Variants in GRM5 observed in about 807,000 individuals in gnomAD.
GRM5 encodes the protein glutamate metabotropic receptor 5.
Under a neutral mutation model 83.1 loss-of-function variants are expected in GRM5, and 19 were observed. That is an observed-to-expected ratio of 0.23 (90% confidence interval 0.16 to 0.34). The LOEUF is 0.34. Ranked by LOEUF, GRM5 falls within the 10% of genes least tolerant of loss-of-function variation. The pLI is 1.00. For synonymous variants in GRM5, 675 were observed against 633.6 expected (o/e 1.07, Z -0.98); for missense variants, 1,160 against 1,588.3 (o/e 0.73, Z 4.58).
intron 4 of GRM5, among the ~76,000 whole-genome samples, chr11:88,623,078 C>CTTATTTT (rs1056763367): frequency 6.6e-6 from 1 of 151,634 alleles, no homozygotes; most frequent in Non-Finnish European, 1.5e-5. Flanking sequence ...AATAAGATCA[C>CTTATTTT]TTATTTTTTA....
intron 2 of GRM5, among the ~76,000 whole-genome samples, chr11:88,953,583 T>A (rs1402492114): frequency 4.6e-5 from 7 of 152,202 alleles, no homozygotes; most frequent in Non-Finnish European, 5.9e-5. Context: ...CCTTCATTTG[T>A]TTCCTCTGTC....
rs1938094290 is a variant in GRM5, at chr11:88,604,757, T to A, written c.1355A>T (p.Asp452Val). The change falls in exon 5 of 10, where the codon GAT becomes GTT. Residue 452 changes from aspartate to valine, a missense_variant. Transcript: ENST00000305447. Reference protein sequence around the residue: ...MKTNFTGVSGDTILFDENGDS... With the variant: ...MKTNFTGVSGVTILFDENGDS... ...TCCATTCTCATCGAATAGGATCGTA[T>A]CTCCAGAAACCCCAGTAAAATTGGT... The A allele has an allele frequency of 6.2e-7, 1 of 1,612,512 alleles. No homozygotes were observed. Among genetic ancestry groups the A allele is most frequent in the Admixed American group, 1.7e-5 (1 of 60,010 alleles).
At chr11:88,535,856 T>C (rs1050565802) in intron 8 of GRM5, among the ~76,000 whole-genome samples, 1 of 152,226 alleles carries the variant, frequency 6.6e-6, no homozygotes, top group African/African-American at 2.4e-5. Context: ...GTTTGTGTTC[T>C]TTTAAATAAT....
intron 4 of GRM5, among the ~76,000 whole-genome samples, chr11:88,649,449 A>AT (rs1939572472): frequency 6.9e-6 from 1 of 143,922 alleles, no homozygotes; most frequent in African/African-American, 2.5e-5. Context: ...TATGTATTAT[A>AT]TATTATATAT....
chr11:88,637,883 T>C (rs1456560371), intron 4 of GRM5, among the ~76,000 whole-genome samples: 1 of 149,926 alleles, frequency 6.7e-6, no homozygotes, highest in Non-Finnish European at 1.5e-5. Context: ...TTATTCACAA[T>C]AGCAAAGACT....
chr11:88,731,648 T>G (rs942041755), intron 3 of GRM5, among the ~76,000 whole-genome samples: 1 of 152,028 alleles, frequency 6.6e-6, no homozygotes, highest in African/African-American at 2.4e-5. Flanking sequence ...TGTTGTTAAC[T>G]GCAATATCCC....
At position 88,903,550 on chromosome 11, in the gene GRM5, G is replaced by A. The variant is rs138727331; in HGVS notation, c.662-53395C>T. On this transcript the variant is annotated intron_variant, in intron 2 of 9. Transcript: ENST00000305447. ...AGAAAATGTGGCATATATACACAATGGAATACTATTCAGCCATTAAAAAGA... is the reference window on the plus strand; with the variant it reads ...AGAAAATGTGGCATATATACACAATAGAATACTATTCAGCCATTAAAAAGA... 4.9e-3 allele frequency among the ~76,000 whole-genome samples: 745 copies of A among 152,240 alleles called. 5 individuals carry two copies. The highest frequency in any genetic ancestry group is 7.5e-3 in the Non-Finnish European group (507 of 68,006).
intron 3 of GRM5, among the ~76,000 whole-genome samples, chr11:88,750,887 A>G (rs1235382917): frequency 6.6e-6 from 1 of 151,866 alleles, no homozygotes; most frequent in Non-Finnish European, 1.5e-5. Flanking sequence ...GAGTATAAAG[A>G]GGCATCTCTG....
At chr11:88,746,246 TG>T (rs2135421989) in intron 3 of GRM5, among the ~76,000 whole-genome samples, 1 of 149,076 alleles carries the variant, frequency 6.7e-6, no homozygotes, top group East Asian at 2.0e-4. Flanking sequence ...AGCTCTGGCT[TG>T]GTTAATAATA....
At chr11:89,029,693 T>C (rs983901988) in intron 2 of GRM5, among the ~76,000 whole-genome samples, 1 of 152,178 alleles carries the variant, frequency 6.6e-6, no homozygotes, top group Non-Finnish European at 1.5e-5. Context: ...ACAGGAGTCA[T>C]TGTGGTTGTG....
chr11:88,770,440 A>G (rs1259440257), intron 3 of GRM5, among the ~76,000 whole-genome samples: 1 of 152,150 alleles, frequency 6.6e-6, no homozygotes, highest in Non-Finnish European at 1.5e-5. Context: ...CAGAGGAAAG[A>G]GAGGTAATGT....
intron 2 of GRM5, among the ~76,000 whole-genome samples, chr11:89,015,914 T>C: frequency 6.6e-6 from 1 of 152,142 alleles, no homozygotes; most frequent in East Asian, 1.9e-4. Context: ...CGCTTTTGTT[T>C]TCTCTCCTGA....
intron 2 of GRM5, among the ~76,000 whole-genome samples, chr11:88,898,633 A>G (rs1188245173): frequency 6.6e-6 from 1 of 152,010 alleles, no homozygotes; most frequent in Non-Finnish European, 1.5e-5. Context: ...TGTGTCATAT[A>G]TACACACACA....
At chr11:88,902,950 C>CAAAAAAAA (rs201996144) in intron 2 of GRM5, among the ~76,000 whole-genome samples, 69 of 61,886 alleles carry the variant, frequency 1.1e-3, no homozygotes, top group East Asian at 3.8e-3. Context: ...GACTCCATCT[C>CAAAAAAAA]AAAAAAAAAA....
intron 8 of GRM5, among the ~76,000 whole-genome samples, chr11:88,561,253 A>C (rs1310277706): frequency 1.3e-5 from 2 of 152,214 alleles, no homozygotes; most frequent in Admixed American, 1.3e-4. Flanking sequence ...TTTAGCAGAC[A>C]GCCAAAGTGG....
At chr11:88,819,275 T>C (rs772440364) in intron 3 of GRM5, among the ~76,000 whole-genome samples, 1 of 152,318 alleles carries the variant, frequency 6.6e-6, no homozygotes, top group African/African-American at 2.4e-5. Context: ...GCAGAGAAAA[T>C]GTATCAAAAT....
intron 3 of GRM5, among the ~76,000 whole-genome samples, chr11:88,756,812 G>A (rs1434172805): frequency 6.6e-6 from 1 of 152,058 alleles, no homozygotes; most frequent in African/African-American, 2.4e-5. Flanking sequence ...TATCAAGTAG[G>A]ATAACCTATG....
chr11:88,945,635 G>A (rs1406426921), intron 2 of GRM5, among the ~76,000 whole-genome samples: 2 of 152,032 alleles, frequency 1.3e-5, no homozygotes, highest in African/African-American at 2.4e-5. Flanking sequence ...AAGCAATCAG[G>A]TAAGGAATGT....
At chr11:88,609,352 T>A (rs1938254730) in intron 4 of GRM5, among the ~76,000 whole-genome samples, 1 of 152,194 alleles carries the variant, frequency 6.6e-6, no homozygotes, top group South Asian at 2.1e-4. Context: ...TATTTCATGG[T>A]GTATATGTAC....
Sources: gnomAD v4.1 joint callset for allele counts (sites outside exome capture counted in the v4.1 genomes callset) on GRCh38, gnomAD v4.1.1 for gene constraint, MANE v1.5 for transcripts, NCBI Gene and HGNC (gene_info 2026-07-23, HGNC 2026-07-21) for gene names.